Variants in SLC9A9 observed in about 807,000 individuals in gnomAD.
SLC9A9 encodes sodium/hydrogen exchanger 9.
SLC9A9 carries 62 observed loss-of-function variants against 77.8 expected under a neutral mutation model. The ratio of observed to expected loss-of-function variants is 0.80; its 90% CI spans 0.65 to 0.98. The LOEUF (loss-of-function observed/expected upper bound fraction) is 0.98, where lower values mean the gene tolerates loss of function less well. Ranked by LOEUF, SLC9A9 falls within the 50% of genes least tolerant of loss-of-function variation. The probability of loss-of-function intolerance (pLI) is 0.00; values close to 1 mark genes in which losing one functional copy is unlikely to be tolerated. For synonymous variants in SLC9A9, 320 were observed against 283.5 expected (o/e 1.13, Z -1.29); for missense variants, 775 against 774.9 (o/e 1.00, Z 0.00).
At chr3:143,377,047 C>A (rs1377066038) in intron 13 of SLC9A9, among the ~76,000 whole-genome samples, 1 of 152,066 alleles carries the variant, frequency 6.6e-6, no homozygotes, top group African/African-American at 2.4e-5. Flanking sequence ...TGTTAAGATT[C>A]ATTATTCTCT....
intron 12 of SLC9A9, among the ~76,000 whole-genome samples, chr3:143,385,141 T>C (rs1004202348): frequency 6.6e-6 from 1 of 151,396 alleles, no homozygotes. Flanking sequence ...CCCTGACTAC[T>C]GTCTTTTTTT....
intron 14 of SLC9A9, among the ~76,000 whole-genome samples, chr3:143,318,239 T>G (rs1266770208): frequency 6.6e-6 from 1 of 152,192 alleles, no homozygotes; most frequent in Non-Finnish European, 1.5e-5. Context: ...TACCCTTCTC[T>G]CAGTAAATCA....
intron 9 of SLC9A9, among the ~76,000 whole-genome samples, chr3:143,529,125 G>A (rs2036460002): frequency 6.6e-6 from 1 of 152,198 alleles, no homozygotes; most frequent in South Asian, 2.1e-4. Context: ...TAAGGTGCTT[G>A]AGGGTAGAGA....
chr3:143,462,732 G>T (rs1243774251), intron 12 of SLC9A9, among the ~76,000 whole-genome samples: 5 of 152,182 alleles, frequency 3.3e-5, no homozygotes, highest in African/African-American at 1.2e-4. Context: ...GATTTCCTGT[G>T]TTTGTTTTTA....
intron 9 of SLC9A9, among the ~76,000 whole-genome samples, chr3:143,501,415 C>T (rs2035921249): frequency 6.6e-6 from 1 of 150,558 alleles, no homozygotes; most frequent in Non-Finnish European, 1.5e-5. Context: ...TATGCAGATG[C>T]CCATAGAGTG....
chr3:143,722,228 C>T (rs1934517615), intron 4 of SLC9A9, among the ~76,000 whole-genome samples: 1 of 152,270 alleles, frequency 6.6e-6, no homozygotes, highest in Non-Finnish European at 1.5e-5. Context: ...AATCCCAGCA[C>T]TTCGGGAGGC....
chr3:143,276,124 G>A (rs1248380915), intron 14 of SLC9A9, among the ~76,000 whole-genome samples: 2 of 152,148 alleles, frequency 1.3e-5, no homozygotes, highest in Admixed American at 1.3e-4. Context: ...TGTCCTAGGA[G>A]GGAGCCCATG....
chr3:143,807,441 A>G (rs2008751487), intron 2 of SLC9A9, among the ~76,000 whole-genome samples: 1 of 151,348 alleles, frequency 6.6e-6, no homozygotes. Flanking sequence ...CTTTTAATAT[A>G]TGAAAACTGA....
intron 12 of SLC9A9, among the ~76,000 whole-genome samples, chr3:143,395,039 A>T (rs1296625277): frequency 6.6e-6 from 1 of 152,202 alleles, no homozygotes; most frequent in African/African-American, 2.4e-5. Flanking sequence ...TAATTTATAG[A>T]TTCAATGCCA....
At chr3:143,405,737 A>T (rs6803395) in intron 12 of SLC9A9, among the ~76,000 whole-genome samples, 129,424 of 152,266 alleles carry the variant, frequency 0.85, 55,278 homozygotes, top group African/African-American at 0.92. Context: ...GACGGGGAAC[A>T]GGAGGAGCTC....
chr3:143,764,048 T>G (rs906204755), intron 4 of SLC9A9, among the ~76,000 whole-genome samples: 6 of 152,130 alleles, frequency 3.9e-5, no homozygotes, highest in Non-Finnish European at 8.8e-5. Context: ...TCTTCCTTCT[T>G]CTCTTTCCCA....
chr3:143,769,653 A>G (rs1017956667), intron 4 of SLC9A9, among the ~76,000 whole-genome samples: 3 of 152,214 alleles, frequency 2.0e-5, no homozygotes, highest in Admixed American at 6.5e-5. Context: ...TAAAAAGTCC[A>G]TACAAAAATA....
intron 4 of SLC9A9, among the ~76,000 whole-genome samples, chr3:143,751,037 G>T (rs2006695404): frequency 6.6e-6 from 1 of 152,130 alleles, no homozygotes; most frequent in Non-Finnish European, 1.5e-5. Flanking sequence ...CAGTTTTCAG[G>T]GCTGCTGGAG....
intron 8 of SLC9A9, among the ~76,000 whole-genome samples, chr3:143,559,747 T>G (rs888910933): frequency 5.9e-5 from 9 of 152,196 alleles, no homozygotes; most frequent in Non-Finnish European, 1.2e-4. Context: ...CTTCTACTCA[T>G]AAGAACTTAG....
chr3:143,600,788 G>A (rs2037834137), intron 6 of SLC9A9, among the ~76,000 whole-genome samples: 2 of 152,138 alleles, frequency 1.3e-5, no homozygotes, highest in Admixed American at 1.3e-4. Flanking sequence ...TAACCATAAG[G>A]CTGAAAACAT....
At chr3:143,338,053 C>G (rs1454270620) in intron 14 of SLC9A9, among the ~76,000 whole-genome samples, 1 of 152,126 alleles carries the variant, frequency 6.6e-6, no homozygotes, top group African/African-American at 2.4e-5. Context: ...AAATTAAAAG[C>G]CCTATTCAAA....
intron 11 of SLC9A9, among the ~76,000 whole-genome samples, chr3:143,490,856 G>C (rs1270525740): frequency 3.9e-4 from 60 of 152,206 alleles, no homozygotes; most frequent in Admixed American, 3.9e-3. Context: ...CTCTTCATTT[G>C]AAAGCTAAGA....
intron 6 of SLC9A9, among the ~76,000 whole-genome samples, chr3:143,588,113 A>G (rs1319738881): frequency 6.6e-6 from 1 of 152,174 alleles, no homozygotes; most frequent in Non-Finnish European, 1.5e-5. Flanking sequence ...GGTACTATAA[A>G]AGGGTAGTGA....
At chr3:143,335,819 CAT>C (rs1291558601) in intron 14 of SLC9A9, among the ~76,000 whole-genome samples, 3 of 152,122 alleles carry the variant, frequency 2.0e-5, no homozygotes, top group Non-Finnish European at 4.4e-5. Flanking sequence ...TGGAAGAAAA[CAT>C]AGAGGAAAGC....
Sources: gnomAD v4.1 joint callset for allele counts (sites outside exome capture counted in the v4.1 genomes callset) on GRCh38, gnomAD v4.1.1 for gene constraint, MANE v1.5 for transcripts, NCBI Gene and HGNC (gene_info 2026-07-23, HGNC 2026-07-21) for gene names.